The following CNGB3 variants were observed in gnomAD, a reference collection of about 807,000 sequenced individuals.
The protein encoded by CNGB3 is cyclic nucleotide gated channel subunit beta 3, also known as cyclic nucleotide-gated channel beta-3.
CNGB3 carries 86 observed loss-of-function variants against 92.8 expected under a neutral mutation model. The ratio of observed to expected loss-of-function variants is 0.93; its 90% CI spans 0.78 to 1.11. CNGB3 has a LOEUF of 1.11. CNGB3 is among the 50% of genes least tolerant of loss of function. CNGB3 has a pLI of 0.00. For missense variants in CNGB3, 1,026 were observed against 956.8 expected (o/e 1.07, Z -0.95); for synonymous variants, 333 against 332.7 (o/e 1.00, Z -0.01).
At chr8:86,671,657 A>G (rs1045309599) in intron 3 of CNGB3, among the ~76,000 whole-genome samples, 4 of 152,236 alleles carry the variant, frequency 2.6e-5, no homozygotes, top group Admixed American at 6.5e-5. Context: ...TAAATCCTCC[A>G]TGGCTGATCG....
At chr8:86,583,680 G>A (rs1821835771) in intron 15 of CNGB3, among the ~76,000 whole-genome samples, 1 of 152,034 alleles carries the variant, frequency 6.6e-6, no homozygotes, top group Non-Finnish European at 1.5e-5. Flanking sequence ...AGCACTTTGG[G>A]AGGTTGAGGC....
At chr8:86,640,891 C>A (rs965173596) in intron 10 of CNGB3, among the ~76,000 whole-genome samples, 3 of 151,936 alleles carry the variant, frequency 2.0e-5, no homozygotes, top group African/African-American at 7.2e-5. Flanking sequence ...CAGAGTGACT[C>A]CCTCTTGAAA....
intron 16 of CNGB3, 34 bp downstream of exon 16, chr8:86,579,072 C>T (rs764286552): frequency 1.6e-5 from 26 of 1,613,814 alleles, no homozygotes; most frequent in Non-Finnish European, 2.2e-5. Flanking sequence ...AAAACCAACT[C>T]CATCCATCTC....
intron 13 of CNGB3, among the ~76,000 whole-genome samples, chr8:86,625,191 C>T (rs1822822210): frequency 6.6e-6 from 1 of 152,136 alleles, no homozygotes; most frequent in African/African-American, 2.4e-5. Context: ...ACCTGCTTAA[C>T]TTTGTTCATG....
At chr8:86,710,839 G>T (rs1824737163) in intron 3 of CNGB3, among the ~76,000 whole-genome samples, 1 of 152,032 alleles carries the variant, frequency 6.6e-6, no homozygotes, top group Non-Finnish European at 1.5e-5. Context: ...ATATAGTTTT[G>T]GTTCTTTCTT....
chr8:86,645,887 T>C (rs1208459148), intron 8 of CNGB3, among the ~76,000 whole-genome samples: 1 of 151,170 alleles, frequency 6.6e-6, no homozygotes, highest in Non-Finnish European at 1.5e-5. Flanking sequence ...TGGAGACATA[T>C]AGATGATAAA....
chr8:86,663,708 C>T (rs1424869055), intron 6 of CNGB3, among the ~76,000 whole-genome samples: 1 of 152,170 alleles, frequency 6.6e-6, no homozygotes, highest in African/African-American at 2.4e-5. Context: ...ACTCAATGTG[C>T]ATAGTCTTCT....
At chr8:86,666,392 C>T (rs185577942) in intron 6 of CNGB3, among the ~76,000 whole-genome samples, 8 of 152,280 alleles carry the variant, frequency 5.3e-5, no homozygotes, top group Middle Eastern at 3.4e-3. Flanking sequence ...CCTGAACCTG[C>T]GTGATTGTAG....
At chr8:86,649,315 C>A (rs943753730) in intron 7 of CNGB3, among the ~76,000 whole-genome samples, 11 of 151,352 alleles carry the variant, frequency 7.3e-5, no homozygotes, top group African/African-American at 2.4e-4. Flanking sequence ...TTAGAAAAAA[C>A]AATTCTAAAA....
intron 14 of CNGB3, 121 bp downstream of exon 14, chr8:86,611,467 A>T (rs1822518411): frequency 2.1e-5 from 16 of 756,804 alleles, no homozygotes; most frequent in East Asian, 7.9e-5. Flanking sequence ...ATATATCATA[A>T]TTATTTCTAT....
Position 86,702,454 on chromosome 8 carries a change from A to T in CNGB3, c.338+24077T>A, listed in dbSNP as rs147100504. Among the ~76,000 whole-genome samples, 393 of 152,294 alleles carry T rather than the reference A, an allele frequency of 2.6e-3. 1 individual carries two copies. Among genetic ancestry groups the T allele is most frequent in the African/African-American group, 8.8e-3 (367 of 41,568 alleles). On this transcript the variant is annotated intron_variant, in intron 3 of 17. Transcript: ENST00000320005. Reference sequence around the variant, plus strand: ...TTTAATGTCATCTTTGACCATGAAGATTTTATACATTTGAGATTATTTATT... The same window carrying T: ...TTTAATGTCATCTTTGACCATGAAGTTTTTATACATTTGAGATTATTTATT...
chr8:86,694,900 C>T (rs572276388), intron 3 of CNGB3, among the ~76,000 whole-genome samples: 29 of 152,116 alleles, frequency 1.9e-4, no homozygotes, highest in African/African-American at 5.8e-4. Flanking sequence ...GACGGGGTGG[C>T]GCCCGGGCAG....
chr8:86,590,210 C>T (rs369320757), intron 15 of CNGB3, among the ~76,000 whole-genome samples: 1 of 151,876 alleles, frequency 6.6e-6, no homozygotes. Flanking sequence ...TCCTCCATCC[C>T]TTTATTTTGA....
At chr8:86,657,978 C>G (rs565412007) in intron 6 of CNGB3, 46 of 550,114 alleles carry the variant, frequency 8.4e-5, no homozygotes, top group African/African-American at 8.3e-4. Flanking sequence ...CTCCAGACAG[C>G]TGGATGCAGC....
At chr8:86,587,104 T>C (rs1433034059) in intron 15 of CNGB3, among the ~76,000 whole-genome samples, 4 of 147,700 alleles carry the variant, frequency 2.7e-5, no homozygotes, top group African/African-American at 1.0e-4. Context: ...TGAGCATTTT[T>C]TCATGTGTTT....
At chr8:86,717,641 A>G (rs1224217574) in intron 3 of CNGB3, among the ~76,000 whole-genome samples, 1 of 152,040 alleles carries the variant, frequency 6.6e-6, no homozygotes, top group African/African-American at 2.4e-5. Flanking sequence ...GAAAACCAAC[A>G]AAGAAACAAT....
intron 13 of CNGB3, among the ~76,000 whole-genome samples, chr8:86,616,417 A>G (rs1004967073): frequency 1.3e-5 from 2 of 152,152 alleles, no homozygotes; most frequent in African/African-American, 4.8e-5. Flanking sequence ...TTATGATGTC[A>G]TTATATTTTA....
chr8:86,625,881 G>C, intron 13 of CNGB3, 102 bp downstream of exon 13: 2 of 931,802 alleles, frequency 2.1e-6, no homozygotes, highest in Non-Finnish European at 3.4e-6. Flanking sequence ...TTTTGACTTT[G>C]TTAAAACATA....
intron 6 of CNGB3, among the ~76,000 whole-genome samples, chr8:86,657,052 G>A (rs910753986): frequency 1.2e-4 from 19 of 152,198 alleles, no homozygotes; most frequent in African/African-American, 4.1e-4. Flanking sequence ...TCCTGCCTCA[G>A]CTGCCTCTCT....
Sources: allele counts gnomAD v4.1 joint callset (sites outside exome capture counted in the v4.1 genomes callset), GRCh38; gene constraint gnomAD v4.1.1; transcripts MANE v1.5; gene names NCBI Gene and HGNC (gene_info 2026-07-23, HGNC 2026-07-21).